Variants in NXN observed in about 807,000 individuals in gnomAD.
NXN encodes nucleoredoxin.
NXN carries 16 observed loss-of-function variants against 48.6 expected under a neutral mutation model. That is an observed-to-expected ratio of 0.33 (90% CI 0.22 to 0.50). The LOEUF is 0.50. Among genes scored for constraint, NXN ranks in the 20% least tolerant of loss-of-function variants. The pLI is 0.98. For synonymous variants in NXN, 281 were observed against 269.6 expected, an observed-to-expected ratio of 1.04 and a Z score of -0.41; for missense variants, 492 against 605.5, an observed-to-expected ratio of 0.81 and a Z score of 1.97.
intron 1 of NXN, among the ~76,000 whole-genome samples, chr17:841,477 CA>C (rs1914238757): frequency 1.4e-5 from 2 of 147,180 alleles, no homozygotes; most frequent in East Asian, 2.0e-4. Flanking sequence ...CACGGGCGAG[CA>C]GGTCCCCCCT....
chr17:841,432 G>GACCACAGCGCATCTCATGCC (rs1567827453), intron 1 of NXN, among the ~76,000 whole-genome samples: 1 of 49,192 alleles, frequency 2.0e-5, no homozygotes, highest in Non-Finnish European at 4.3e-5. Context: ...CATCTCACAC[G>GACCACAGCGCATCTCATGCC]GGCGAGCAGG....
At position 939,052 on chromosome 17, in the gene NXN, C is replaced by CA. The variant is rs1164755874; in HGVS notation, c.360+40266dup. Among the ~76,000 whole-genome samples the CA allele has an allele frequency of 5.4e-3, 754 of 140,480 alleles. 8 individuals are homozygous for CA. Among genetic ancestry groups the CA allele is most frequent in the East Asian group, 0.03 (147 of 4,894 alleles). The allele number at this position is 140,480 out of a possible 152,430, so 92.2% of individuals were successfully genotyped here. ...GGGCGACAAGGGTGAGACTCCCTCT[C>CA]AAAAAAAAAAGAAAGAAAGAAAAGA... On this transcript the variant is annotated intron_variant, in intron 1 of 7. Transcript: ENST00000336868.
chr17:891,449 T>C lies in NXN; in HGVS notation c.361-65371A>G, dbSNP rs144654155. 3.2e-4 allele frequency among the ~76,000 whole-genome samples: 48 copies of C among 152,306 alleles called. No individual in the cohort carries two copies. In the East Asian group the frequency reaches 8.1e-3, roughly 26 times the overall value. On this transcript the variant is annotated intron_variant, in intron 1 of 7. Coordinates refer to ENST00000336868, the MANE Select transcript of NXN (RefSeq NM_022463.5). ...ATTTAGCATCCATATCTGCCTTTAA[T>C]AAAAGGTCATAATACAGCCCTGGCA...
chr17:884,202 C>T (rs975151219), intron 1 of NXN, among the ~76,000 whole-genome samples: 5 of 135,842 alleles, frequency 3.7e-5, no homozygotes, highest in Non-Finnish European at 8.0e-5. Context: ...GCCTGGGGGA[C>T]TGAGCAAGAC....
intron 1 of NXN, among the ~76,000 whole-genome samples, chr17:911,938 CTTT>C (rs147131427): frequency 2.1e-5 from 3 of 141,780 alleles, no homozygotes; most frequent in African/African-American, 5.2e-5. Context: ...CATGCATATA[CTTT>C]TTTTTTTTTT....
At chr17:854,689 TG>T (rs35575645) in intron 1 of NXN, among the ~76,000 whole-genome samples, 4,839 of 143,244 alleles carry the variant, frequency 0.034, 198 homozygotes, top group East Asian at 0.24. Flanking sequence ...CCGGGCACGG[TG>T]GCTCACGCCT....
At chr17:876,760 T>C (rs932665373) in intron 1 of NXN, among the ~76,000 whole-genome samples, 16 of 152,074 alleles carry the variant, frequency 1.1e-4, no homozygotes, top group African/African-American at 3.6e-4. Context: ...AAATTAACTC[T>C]TGGCCGGGCG....
intron 1 of NXN, among the ~76,000 whole-genome samples, chr17:885,279 A>T (rs565760658): frequency 9.2e-5 from 14 of 152,162 alleles, no homozygotes; most frequent in Admixed American, 5.9e-4. Context: ...TGGCCAAGAG[A>T]CCAGTCTGGC....
At chr17:908,378 A>G (rs2068600937) in intron 1 of NXN, among the ~76,000 whole-genome samples, 1 of 151,660 alleles carries the variant, frequency 6.6e-6, no homozygotes, top group Non-Finnish European at 1.5e-5. Flanking sequence ...TCTACTAAAA[A>G]TACAGAAATT....
At chr17:808,365 C>A (rs948350439) in intron 5 of NXN, among the ~76,000 whole-genome samples, 1 of 151,232 alleles carries the variant, frequency 6.6e-6, no homozygotes, top group African/African-American at 2.4e-5. Context: ...TGCAGTGGCG[C>A]GATCTCGGCT....
At chr17:860,333 A>G (rs1356077427) in intron 1 of NXN, among the ~76,000 whole-genome samples, 1 of 139,884 alleles carries the variant, frequency 7.1e-6, no homozygotes, top group African/African-American at 2.7e-5. Flanking sequence ...CATCCTGGCC[A>G]GGCTGGTCTT....
At chr17:808,676 G>GTTTTTTTTT (rs5818768) in intron 5 of NXN, among the ~76,000 whole-genome samples, 1 of 128,988 alleles carries the variant, frequency 7.8e-6, no homozygotes, top group Non-Finnish European at 1.6e-5. Context: ...TTATAAACCA[G>GTTTTTTTTT]TTTTTTTTTT....
intron 1 of NXN, among the ~76,000 whole-genome samples, chr17:888,774 G>GCA (rs2068376209): frequency 6.6e-6 from 1 of 151,690 alleles, no homozygotes; most frequent in African/African-American, 2.4e-5. Flanking sequence ...GACCAACATG[G>GCA]AGAAACCCCG....
chr17:890,671 G>A (rs1347905125), intron 1 of NXN, among the ~76,000 whole-genome samples: 3 of 151,960 alleles, frequency 2.0e-5, no homozygotes, highest in African/African-American at 7.3e-5. Flanking sequence ...ATGAGCCACC[G>A]CATCTAGCCA....
chr17:932,518 C>T lies in NXN; in HGVS notation c.360+46801G>A, dbSNP rs568528025. ...TTGGGTCCAGTCGTCGTCTCCTCAGCGAGTAAGGCAGCTTCAGGGGAAGGC... is the reference window on the plus strand; with the variant it reads ...TTGGGTCCAGTCGTCGTCTCCTCAGTGAGTAAGGCAGCTTCAGGGGAAGGC... On this transcript the variant is annotated intron_variant, in intron 1 of 7. Coordinates refer to ENST00000336868, the MANE Select transcript of NXN (RefSeq NM_022463.5). The surrounding 1 kb of genome is among the most constrained non-coding windows in gnomAD (Gnocchi z 4.1). Among the ~76,000 whole-genome samples, 30 of 152,330 alleles carry T rather than the reference C, an allele frequency of 2.0e-4. No homozygotes were observed. Among genetic ancestry groups the T allele is most frequent in the African/African-American group, 5.8e-4 (24 of 41,580 alleles).
chr17:945,588 G>T (rs939452797), intron 1 of NXN, among the ~76,000 whole-genome samples: 3 of 145,382 alleles, frequency 2.1e-5, no homozygotes, highest in Non-Finnish European at 4.5e-5. Context: ...CCGAGATCGT[G>T]CCACTGCACT....
intron 1 of NXN, among the ~76,000 whole-genome samples, chr17:972,097 T>TG (rs1301342489): frequency 2.4e-4 from 37 of 152,294 alleles, no homozygotes; most frequent in African/African-American, 7.9e-4. Context: ...GGTTGGGAGT[T>TG]GGAGACCAGC....
At chr17:960,448 A>T (rs879672171) in intron 1 of NXN, among the ~76,000 whole-genome samples, 2 of 151,806 alleles carry the variant, frequency 1.3e-5, no homozygotes, top group Admixed American at 1.3e-4. Context: ...GGCTCAAGTG[A>T]TCCTCCTGCC....
At chr17:953,639 C>T (rs1480716190) in intron 1 of NXN, among the ~76,000 whole-genome samples, 1 of 152,232 alleles carries the variant, frequency 6.6e-6, no homozygotes, top group Non-Finnish European at 1.5e-5. Context: ...TATCACTCCA[C>T]AGAGAATTCA....
Sources: allele counts gnomAD v4.1 joint callset (sites outside exome capture counted in the v4.1 genomes callset), GRCh38; gene constraint gnomAD v4.1.1; non-coding constraint Gnocchi (gnomAD v3.1); transcripts MANE v1.5; gene names NCBI Gene and HGNC (gene_info 2026-07-23, HGNC 2026-07-21).